GRB10: variants seen among roughly 807,000 people sequenced by gnomAD.
The protein encoded by GRB10 is growth factor receptor bound protein 10.
GRB10 carries 20 observed loss-of-function variants against 80.9 expected under a neutral mutation model. The ratio of observed to expected loss-of-function variants is 0.25; its 90% CI spans 0.17 to 0.36. GRB10 has a LOEUF of 0.36. GRB10 is among the 10% of genes least tolerant of loss of function. The pLI is 1.00. For missense variants in GRB10, 548 were observed against 747.7 expected (o/e 0.73, Z 3.12); for synonymous variants, 291 against 291.5 (o/e 1.00, Z 0.02).
rs200525181 is a variant in GRB10 at position 50,612,786 on chromosome 7, G to A, written c.1149C>T (p.Asp383=). 170 of 1,613,876 alleles carry A rather than the reference G, an allele frequency of 1.1e-4. No individual in the cohort carries two copies. Among genetic ancestry groups the A allele is most frequent in the Middle Eastern group, 6.6e-4 (4 of 6,044 alleles). ...TCATCCAGCACGTCCTGGTTTGCTC[G>A]TCCTCTGCACAGAGCAACCTCAGCT... ...TKELRLLCAE[D]EQTRTCWMTA... Residue 383 remains aspartate (D), a synonymous_variant, in exon 13 of 19, where the codon GAC becomes GAT. Transcript: ENST00000401949.
At chr7:50,594,851 AG>A (rs1288383047) in intron 18 of GRB10, among the ~76,000 whole-genome samples, 3 of 152,188 alleles carry the variant, frequency 2.0e-5, no homozygotes, top group African/African-American at 7.2e-5. Flanking sequence ...AATTGTTCAA[AG>A]GGAGAATGGT....
chr7:50,669,827 T>A lies in GRB10; in HGVS notation c.399A>T (p.Ser133=). 2 of 1,613,688 alleles carry A rather than the reference T, an allele frequency of 1.2e-6. No individual in the cohort carries two copies. The highest frequency in any genetic ancestry group is 2.2e-5 in the South Asian group (2 of 90,958). Residue 133 remains serine, a synonymous_variant, in exon 7 of 19, where the codon TCA becomes TCT. Coordinates refer to ENST00000401949, the MANE Select transcript of GRB10 (RefSeq NM_001350814.2). Reference sequence around the variant, plus strand: ...AAGGATTGGGGATGGCCGGCAGAGATGAGGTTCTAAACTGCTGGTCTTCCT... The same window carrying A: ...AAGGATTGGGGATGGCCGGCAGAGAAGAGGTTCTAAACTGCTGGTCTTCCT... ...LQEEDQQFRT[S]SLPAIPNPFP...
intron 4 of GRB10, among the ~76,000 whole-genome samples, chr7:50,712,023 A>G (rs567188300): frequency 6.6e-6 from 1 of 152,164 alleles, no homozygotes; most frequent in Non-Finnish European, 1.5e-5. Context: ...CAACCGAGCT[A>G]TGGGTAACTA....
chr7:50,669,422 C>T (rs935318805), intron 7 of GRB10, among the ~76,000 whole-genome samples: 1 of 152,134 alleles, frequency 6.6e-6, no homozygotes, highest in Non-Finnish European at 1.5e-5. Flanking sequence ...CTCGTGAGAA[C>T]TTACTATTGT....
intron 7 of GRB10, among the ~76,000 whole-genome samples, chr7:50,633,709 A>AAACAACAACAAC (rs55948218): frequency 5.3e-5 from 8 of 151,604 alleles, no homozygotes; most frequent in South Asian, 2.1e-4. Context: ...AAAACAAACA[A>AAACAACAACAAC]AACAACAACA....
At chr7:50,705,969 C>T (rs1449850112) in intron 4 of GRB10, among the ~76,000 whole-genome samples, 1 of 152,226 alleles carries the variant, frequency 6.6e-6, no homozygotes, top group East Asian at 1.9e-4. Context: ...CAAGTTCAGC[C>T]ATCCCCCATC....
chr7:50,613,987 G>A (rs1271246310), intron 12 of GRB10, among the ~76,000 whole-genome samples: 2 of 152,184 alleles, frequency 1.3e-5, no homozygotes, highest in African/African-American at 4.8e-5. Context: ...TATCCCACAA[G>A]GGGCTGTGAA....
intron 5 of GRB10, among the ~76,000 whole-genome samples, chr7:50,686,165 C>T (rs911081991): frequency 1.3e-5 from 2 of 152,078 alleles, no homozygotes; most frequent in Admixed American, 6.5e-5. Context: ...GGAGGTGGGG[C>T]CTTTGGGAGG....
chr7:50,663,177 G>A (rs1003780329), intron 7 of GRB10, among the ~76,000 whole-genome samples: 8 of 152,308 alleles, frequency 5.3e-5, no homozygotes, highest in African/African-American at 1.9e-4. Flanking sequence ...CTGCTGCAGA[G>A]TGAGATGCTG....
At chr7:50,764,637 T>G (rs1172258942) in intron 2 of GRB10, among the ~76,000 whole-genome samples, 1 of 152,062 alleles carries the variant, frequency 6.6e-6, no homozygotes, top group Admixed American at 6.6e-5. Context: ...CCAGCTGGGG[T>G]GGGGGCAGCC....
intron 5 of GRB10, among the ~76,000 whole-genome samples, chr7:50,693,936 G>C (rs1017762679): frequency 3.3e-5 from 5 of 151,888 alleles, no homozygotes; most frequent in Non-Finnish European, 7.4e-5. Context: ...AAGCCAGCTG[G>C]AGCAACAAAG....
chr7:50,766,499 G>A (rs908833146), intron 2 of GRB10, among the ~76,000 whole-genome samples: 2 of 152,020 alleles, frequency 1.3e-5, no homozygotes, highest in African/African-American at 2.4e-5. Flanking sequence ...AAAAAGGGGC[G>A]GGTTAAAGAA....
intron 2 of GRB10, among the ~76,000 whole-genome samples, chr7:50,780,150 C>G (rs1438003076): frequency 6.6e-6 from 1 of 152,140 alleles, no homozygotes; most frequent in Non-Finnish European, 1.5e-5. Context: ...CTGAACAAAT[C>G]AGAATAAACC....
chr7:50,672,111 T>C (rs1171689530), intron 6 of GRB10, among the ~76,000 whole-genome samples: 4 of 152,244 alleles, frequency 2.6e-5, no homozygotes, highest in Admixed American at 6.5e-5. Flanking sequence ...GGCTTTCCTA[T>C]GTGCAAAGCC....
chr7:50,606,687 T>C, intron 13 of GRB10: 2 of 475,966 alleles, frequency 4.2e-6, no homozygotes, highest in African/African-American at 2.0e-5. Flanking sequence ...AATGATAACA[T>C]AAACAGTTAA....
chr7:50,609,328 C>T (rs2049095235), intron 13 of GRB10, among the ~76,000 whole-genome samples: 1 of 152,024 alleles, frequency 6.6e-6, no homozygotes, highest in Non-Finnish European at 1.5e-5. Flanking sequence ...TGAAGCAAAG[C>T]TGAGGTAAAA....
rs565792822 is a variant in GRB10, at chr7:50,603,854, C to T, written c.1544+144G>A. On this transcript the variant is annotated intron_variant, in intron 17 of 18. Coordinates refer to ENST00000401949, the MANE Select transcript of GRB10 (RefSeq NM_001350814.2). Reference sequence around the variant, plus strand: ...GGGCAAGCCCTGCGTACCACTTATACCTCTAGCCTACCTTTTCTCCTCTTT... The same window carrying T: ...GGGCAAGCCCTGCGTACCACTTATATCTCTAGCCTACCTTTTCTCCTCTTT... 182 of 804,524 alleles carry T rather than the reference C, an allele frequency of 2.3e-4. 1 individual carries two copies. In the African/African-American group the frequency reaches 2.6e-3, roughly 12 times the overall value. 49.8% of individuals were successfully genotyped at this position (804,524 alleles called of 1,614,324 possible).
At chr7:50,744,818 CAGT>C (rs1474192869) in intron 3 of GRB10, among the ~76,000 whole-genome samples, 6 of 152,304 alleles carry the variant, frequency 3.9e-5, no homozygotes, top group Non-Finnish European at 5.9e-5. Flanking sequence ...GGAATTATTA[CAGT>C]AGTACAGTAA....
intron 7 of GRB10, among the ~76,000 whole-genome samples, chr7:50,660,981 G>A (rs936987091): frequency 3.9e-5 from 6 of 152,214 alleles, no homozygotes; most frequent in African/African-American, 1.2e-4. Context: ...AAGGTGACAC[G>A]GGCAGACTGT....
Sources: gnomAD v4.1 joint callset for allele counts (sites outside exome capture counted in the v4.1 genomes callset) on GRCh38, gnomAD v4.1.1 for gene constraint, MANE v1.5 for transcripts, NCBI Gene and HGNC (gene_info 2026-07-23, HGNC 2026-07-21) for gene names.